PDLIM1: variants seen among roughly 807,000 people sequenced by gnomAD.
PDLIM1 encodes PDZ and LIM domain protein 1.
In PDLIM1, 25 loss-of-function variants were observed where a neutral mutation model predicts 35.2. The ratio of observed to expected loss-of-function variants is 0.71; its 90% CI spans 0.52 to 0.99. The LOEUF is 0.99. PDLIM1 is among the 50% of genes least tolerant of loss of function. The probability of loss-of-function intolerance (pLI) is 0.00; values close to 1 mark genes in which losing one functional copy is unlikely to be tolerated. For missense variants in PDLIM1, 363 were observed against 415.3 expected (o/e 0.87, Z 1.09); for synonymous variants, 152 against 154.0 (o/e 0.99, Z 0.10).
Position 95,290,837 on chromosome 10 carries a change from G to A in PDLIM1, c.79C>T (p.Pro27Ser). 1 of 1,563,410 alleles carries A rather than the reference G, an allele frequency of 6.4e-7. No individual in the cohort carries two copies. Among genetic ancestry groups the A allele is most frequent in the Non-Finnish European group, 8.7e-7 (1 of 1,154,268 alleles). ...RLVGGKDFEQPLAISRVTPGS... is the reference protein window; with the variant it reads ...RLVGGKDFEQSLAISRVTPGS... ...GCTCTTACCCGGGAAATGGCGAGAGGCTGCTCGAAGTCCTTGCCGCCCACG... is the reference window on the plus strand; with the variant it reads ...GCTCTTACCCGGGAAATGGCGAGAGACTGCTCGAAGTCCTTGCCGCCCACG... Residue 27 changes from proline to serine, a missense_variant, in exon 1 of 7, where the codon CCT becomes TCT. Coordinates refer to ENST00000329399, the MANE Select transcript of PDLIM1 (RefSeq NM_020992.4). The surrounding 1 kb of genome is among the most constrained non-coding windows in gnomAD (Gnocchi z 4.7).
At chr10:95,255,906 C>CACACACACAT (rs2035307728) in intron 4 of PDLIM1, among the ~76,000 whole-genome samples, 1 of 148,302 alleles carries the variant, frequency 6.7e-6, no homozygotes, top group Admixed American at 6.6e-5. Context: ...CCACTACACA[C>CACACACACAT]ACACACACAC....
At position 95,290,275 on chromosome 10, in the gene PDLIM1, G is replaced by A. The variant is rs963079302; in HGVS notation, c.96+545C>T. Among the ~76,000 whole-genome samples the A allele has an allele frequency of 6.6e-6, 1 of 152,156 alleles. No individual in the cohort carries two copies. The highest frequency in any genetic ancestry group is 2.4e-5 in the African/African-American group (1 of 41,436). On this transcript the variant is annotated intron_variant, in intron 1 of 6. Transcript: ENST00000329399. The surrounding 1 kb of genome is among the most constrained non-coding windows in gnomAD (Gnocchi z 4.7). ...TTGTTGTGTTTATTTCCCGAATCCA[G>A]CACATTCTCCAAAAGCCATTCGAGG... is the stretch of plus-strand genomic sequence containing the variant.
intron 3 of PDLIM1, 89 bp from the exon 4 acceptor site, chr10:95,264,152 G>T: frequency 9.2e-7 from 1 of 1,082,882 alleles, no homozygotes; most frequent in Non-Finnish European, 1.4e-6. Flanking sequence ...AGGGAGAGGT[G>T]TTCCAGCTGC....
intron 4 of PDLIM1, among the ~76,000 whole-genome samples, chr10:95,261,632 G>A (rs10509685): frequency 0.078 from 11,849 of 152,206 alleles, 529 homozygotes; most frequent in South Asian, 0.19. Context: ...TATGATAAAT[G>A]GCCAGTAACC....
intron 6 of PDLIM1, 101 bp from the exon 7 acceptor site, chr10:95,238,212 T>C: frequency 9.6e-7 from 1 of 1,043,762 alleles, no homozygotes; most frequent in Non-Finnish European, 1.4e-6. Flanking sequence ...GCCTGGGGCT[T>C]CTCCCCAGGA....
chr10:95,271,880 G>A lies in PDLIM1; in HGVS notation c.97-96C>T, dbSNP rs1362630455. On this transcript the variant is annotated intron_variant, in intron 1 of 6. Coordinates refer to ENST00000329399, the MANE Select transcript of PDLIM1 (RefSeq NM_020992.4). Reference sequence around the variant, plus strand: ...ATTCACTGATATGGAGCAAAGCCCTGAAAAAGAAAAGAGGGCTGAAATCAT... The same window carrying A: ...ATTCACTGATATGGAGCAAAGCCCTAAAAAAGAAAAGAGGGCTGAAATCAT... The A allele has an allele frequency of 1.9e-5, 21 of 1,127,538 alleles. 1 individual carries two copies. In the South Asian group the frequency reaches 2.9e-4, roughly 16 times the overall value. The allele number at this position is 1,127,538 out of a possible 1,614,324, so 69.8% of individuals were successfully genotyped here.
chr10:95,238,173 G>A (rs1384705905), intron 6 of PDLIM1, 62 bp from the exon 7 acceptor site: 1 of 1,448,390 alleles, frequency 6.9e-7, no homozygotes, highest in African/African-American at 1.4e-5. Flanking sequence ...TGGCACCTGA[G>A]CAGGTGGCAC....
At chr10:95,266,043 TA>T (rs748376918) in intron 3 of PDLIM1, among the ~76,000 whole-genome samples, 28 of 151,700 alleles carry the variant, frequency 1.8e-4, no homozygotes, top group Non-Finnish European at 2.9e-4. Flanking sequence ...TACTAAAATA[TA>T]AAAATTAGCT....
intron 3 of PDLIM1, among the ~76,000 whole-genome samples, chr10:95,265,264 T>A (rs978597606): frequency 1.3e-5 from 2 of 152,088 alleles, no homozygotes; most frequent in Non-Finnish European, 2.9e-5. Context: ...TAATTTAAAA[T>A]AAAAGAAAAC....
intron 3 of PDLIM1, among the ~76,000 whole-genome samples, chr10:95,265,851 A>C (rs186993938): frequency 2.5e-3 from 388 of 152,300 alleles, no homozygotes; most frequent in African/African-American, 8.4e-3. Context: ...GCAGTGTGCC[A>C]TATCGTGCCA....
chr10:95,250,680 C>T (rs2035260079), intron 4 of PDLIM1, among the ~76,000 whole-genome samples: 1 of 152,150 alleles, frequency 6.6e-6, no homozygotes, highest in Non-Finnish European at 1.5e-5. Flanking sequence ...ACTCAGTCTC[C>T]AGGAGAAAAA....
chr10:95,246,683 A>G (rs974637936), intron 5 of PDLIM1, among the ~76,000 whole-genome samples: 1 of 152,236 alleles, frequency 6.6e-6, no homozygotes, highest in African/African-American at 2.4e-5. Flanking sequence ...GCCAAAGGTC[A>G]CAGAATAAGA....
At chr10:95,281,800 T>A (rs1001183389) in intron 1 of PDLIM1, among the ~76,000 whole-genome samples, 1 of 152,330 alleles carries the variant, frequency 6.6e-6, no homozygotes, top group East Asian at 1.9e-4. Flanking sequence ...CCAGTAGAAG[T>A]ATAATAACTC....
At chr10:95,285,724 A>T (rs1243947496) in intron 1 of PDLIM1, among the ~76,000 whole-genome samples, 1 of 152,208 alleles carries the variant, frequency 6.6e-6, no homozygotes, top group African/African-American at 2.4e-5. Flanking sequence ...ACTCACTGCT[A>T]TATGATGCAG....
At chr10:95,251,185 A>G (rs2035264795) in intron 4 of PDLIM1, among the ~76,000 whole-genome samples, 2 of 151,634 alleles carry the variant, frequency 1.3e-5, no homozygotes, top group South Asian at 4.2e-4. Context: ...CTGGGATGAA[A>G]GTCTACTCCA....
chr10:95,267,592 T>A (rs935115276), intron 3 of PDLIM1, among the ~76,000 whole-genome samples: 1 of 152,230 alleles, frequency 6.6e-6, no homozygotes, highest in African/African-American at 2.4e-5. Flanking sequence ...TTTTTAATAA[T>A]TATTTTTACT....
intron 3 of PDLIM1, among the ~76,000 whole-genome samples, chr10:95,268,274 A>G (rs1009120901): frequency 2.0e-5 from 3 of 152,222 alleles, no homozygotes; most frequent in Non-Finnish European, 4.4e-5. Context: ...AAGTCTCACT[A>G]GAAGTTTCAC....
At chr10:95,243,327 T>C (rs2035193943) in intron 5 of PDLIM1, among the ~76,000 whole-genome samples, 1 of 152,210 alleles carries the variant, frequency 6.6e-6, no homozygotes, top group African/African-American at 2.4e-5. Context: ...CTAGCTTCCT[T>C]TGAACTCCAG....
At chr10:95,258,495 C>T (rs1383399165) in intron 4 of PDLIM1, among the ~76,000 whole-genome samples, 1 of 151,786 alleles carries the variant, frequency 6.6e-6, no homozygotes, top group African/African-American at 2.4e-5. Context: ...GAGCGAGACT[C>T]TGTCTCAAAA....
Sources: allele counts gnomAD v4.1 joint callset (sites outside exome capture counted in the v4.1 genomes callset), GRCh38; gene constraint gnomAD v4.1.1; non-coding constraint Gnocchi (gnomAD v3.1); transcripts MANE v1.5; gene names NCBI Gene and HGNC (gene_info 2026-07-23, HGNC 2026-07-21).